SLC2A9: variants seen among roughly 807,000 people sequenced by gnomAD.
The protein encoded by SLC2A9 is solute carrier family 2 member 9, also known as solute carrier family 2, facilitated glucose transporter member 9.
SLC2A9 carries 39 observed loss-of-function variants against 50.6 expected under a neutral mutation model. The ratio of observed to expected loss-of-function variants is 0.77; its 90% CI spans 0.60 to 1.01. SLC2A9 has a LOEUF of 1.01. Among genes scored for constraint, SLC2A9 ranks in the 50% least tolerant of loss-of-function variants. The pLI is 0.00. For missense variants in SLC2A9, 686 were observed against 677.6 expected (o/e 1.01, Z -0.14); for synonymous variants, 324 against 276.9 (o/e 1.17, Z -1.69).
intron 1 of SLC2A9, among the ~76,000 whole-genome samples, chr4:10,038,915 T>A (rs1207328577): frequency 6.6e-6 from 1 of 152,216 alleles, no homozygotes; most frequent in Non-Finnish European, 1.5e-5. Flanking sequence ...CTTAAAGGGC[T>A]AGGTGGCTAA....
intron 10 of SLC2A9, among the ~76,000 whole-genome samples, chr4:9,848,567 C>T (rs145190091): frequency 6.8e-4 from 104 of 152,248 alleles, no homozygotes; most frequent in East Asian, 6.0e-3. Context: ...CATCTTGTCT[C>T]TTTTTCTCCC....
chr4:9,888,469 G>C (rs929241234), intron 9 of SLC2A9, among the ~76,000 whole-genome samples: 15 of 152,088 alleles, frequency 9.9e-5, no homozygotes, highest in Non-Finnish European at 1.9e-4. Flanking sequence ...TCACTCATCC[G>C]GGGGGTGGGT....
chr4:9,814,948 C>T (rs1287485270), intron 3 of SLC2A9, among the ~76,000 whole-genome samples: 1 of 151,754 alleles, frequency 6.6e-6, no homozygotes, highest in Admixed American at 6.6e-5. Context: ...GTATGTGGTA[C>T]ATGCAGGTAG....
intron 3 of SLC2A9, chr4:9,782,599 G>T: frequency 6.2e-7 from 1 of 1,613,950 alleles, no homozygotes; most frequent in Non-Finnish European, 8.5e-7. Context: ...CTTGGGGCGG[G>T]CTGGACCTGC....
intron 9 of SLC2A9, among the ~76,000 whole-genome samples, 191 bp downstream of exon 9, chr4:9,890,419 C>A (rs1433366382): frequency 6.6e-6 from 1 of 152,156 alleles, no homozygotes; most frequent in Non-Finnish European, 1.5e-5. Context: ...TCTCCCAGTC[C>A]AAGGACCCCT....
rs111609167 is a variant in SLC2A9, at chr4:9,922,355, T to C, written c.815-1783A>G. Reference sequence around the variant, plus strand: ...GGGGGAGGGAGAGCATTAGAAAAAATAGCTAATGCATGCAGGGCTTAATAC... The same window carrying C: ...GGGGGAGGGAGAGCATTAGAAAAAACAGCTAATGCATGCAGGGCTTAATAC... On this transcript the variant is annotated intron_variant, in intron 6 of 11. Transcript: ENST00000264784. Among the ~76,000 whole-genome samples the C allele has an allele frequency of 8.0e-3, 1,220 of 151,816 alleles. 18 individuals carry two copies. The highest frequency in any genetic ancestry group is 0.028 in the African/African-American group (1,175 of 41,374).
intron 3 of SLC2A9, among the ~76,000 whole-genome samples, chr4:9,802,268 C>CTTT (rs35424269): frequency 1.4e-5 from 2 of 147,058 alleles, no homozygotes; most frequent in African/African-American, 5.0e-5. Context: ...GAAAAATGCT[C>CTTT]TTTTTTTTTT....
At chr4:9,898,618 C>T (rs1739019342) in intron 8 of SLC2A9, among the ~76,000 whole-genome samples, 1 of 152,214 alleles carries the variant, frequency 6.6e-6, no homozygotes, top group South Asian at 2.1e-4. Flanking sequence ...AGAAGATGCC[C>T]CATTCTCTGT....
intron 10 of SLC2A9, among the ~76,000 whole-genome samples, chr4:9,876,530 G>A (rs1734347026): frequency 1.3e-5 from 2 of 152,192 alleles, no homozygotes; most frequent in Non-Finnish European, 2.9e-5. Flanking sequence ...GGTGGAGGCT[G>A]CAGTGAGTCA....
chr4:9,772,158 G>C (rs576181462), intron 1 of SLC2A9, among the ~76,000 whole-genome samples: 3 of 152,162 alleles, frequency 2.0e-5, no homozygotes, highest in African/African-American at 7.2e-5. Context: ...AGATAGGAGT[G>C]GGGGTGAAGA....
chr4:9,912,432 G>A (rs931756502), intron 7 of SLC2A9, among the ~76,000 whole-genome samples: 3 of 152,176 alleles, frequency 2.0e-5, no homozygotes, highest in Admixed American at 6.5e-5. Flanking sequence ...GTGGGGGTAA[G>A]GGCAGCAGGA....
intron 3 of SLC2A9, among the ~76,000 whole-genome samples, chr4:9,820,542 T>C (rs921708017): frequency 1.3e-5 from 2 of 152,252 alleles, no homozygotes; most frequent in African/African-American, 2.4e-5. Flanking sequence ...ATTGACCTTT[T>C]AACTTTAGTA....
intron 8 of SLC2A9, among the ~76,000 whole-genome samples, chr4:9,903,316 A>G (rs1577799057): frequency 6.6e-6 from 1 of 151,990 alleles, no homozygotes; most frequent in Admixed American, 6.6e-5. Flanking sequence ...TAATTATGAA[A>G]ATGTACTGCA....
intron 5 of SLC2A9, among the ~76,000 whole-genome samples, chr4:9,978,136 C>T (rs926994582): frequency 6.6e-6 from 1 of 152,176 alleles, no homozygotes; most frequent in African/African-American, 2.4e-5. Flanking sequence ...TTGGGACTTG[C>T]AACCATTCCT....
downstream of SLC2A9, chr4:9,798,709 G>T (rs147582347): frequency 1.2e-4 from 18 of 151,626 alleles, no homozygotes; most frequent in African/African-American, 3.6e-4. Context: ...TGTTGTAGAT[G>T]GACAAACTTG....
downstream of SLC2A9, among the ~76,000 whole-genome samples, chr4:9,775,690 G>T (rs1717459617): frequency 6.6e-6 from 1 of 152,122 alleles, no homozygotes; most frequent in African/African-American, 2.4e-5. Flanking sequence ...TGATGTGCCT[G>T]CTCATGATTG....
intron 1 of SLC2A9, among the ~76,000 whole-genome samples, chr4:10,031,252 A>G (rs775959654): frequency 7.9e-5 from 12 of 152,246 alleles, no homozygotes; most frequent in Non-Finnish European, 1.6e-4. Flanking sequence ...TTTCACTCAT[A>G]TAAGAGAGGT....
downstream of SLC2A9, among the ~76,000 whole-genome samples, chr4:9,796,988 G>A (rs6449000): frequency 0.94 from 142,951 of 152,264 alleles, 67,258 homozygotes; most frequent in Middle Eastern, 0.96. Context: ...GAGGGAAAAC[G>A]GATGTTTGCT....
At chr4:10,032,016 TC>T (rs749590851) in intron 1 of SLC2A9, among the ~76,000 whole-genome samples, 1 of 152,212 alleles carries the variant, frequency 6.6e-6, no homozygotes, top group Non-Finnish European at 1.5e-5. Context: ...GTTCACTTAT[TC>T]ATCCGATGGT....
Sources: gnomAD v4.1 joint callset for allele counts (sites outside exome capture counted in the v4.1 genomes callset) on GRCh38, gnomAD v4.1.1 for gene constraint, MANE v1.5 for transcripts, NCBI Gene and HGNC (gene_info 2026-07-23, HGNC 2026-07-21) for gene names.